The following SYN2 variants were observed in gnomAD, a reference collection of about 807,000 sequenced individuals.
SYN2 encodes synapsin-2.
SYN2 carries 19 observed loss-of-function variants against 50.9 expected under a neutral mutation model. The observed-to-expected ratio is 0.37, with a 90% confidence interval of 0.26 to 0.55. SYN2 has a LOEUF of 0.55. Ranked by LOEUF, SYN2 falls within the 20% of genes least tolerant of loss-of-function variation. SYN2 has a pLI of 0.81. For synonymous variants in SYN2, 255 were observed against 224.9 expected (o/e 1.13, Z -1.20); for missense variants, 587 against 576.4 (o/e 1.02, Z -0.19).
chr3:12,088,157 G>A (rs901101597), intron 1 of SYN2, among the ~76,000 whole-genome samples: 4 of 152,154 alleles, frequency 2.6e-5, no homozygotes, highest in South Asian at 2.1e-4. Flanking sequence ...TTTGCAAACC[G>A]TACATCTGAT....
intron 1 of SYN2, among the ~76,000 whole-genome samples, chr3:12,068,058 C>CGAATGAAT (rs541128758): frequency 9.2e-5 from 14 of 151,898 alleles, no homozygotes; most frequent in South Asian, 2.1e-4. Context: ...GACCTTGTCT[C>CGAATGAAT]GAATGAATGA....
intron 1 of SYN2, among the ~76,000 whole-genome samples, chr3:12,033,139 C>T (rs1256017118): frequency 2.6e-5 from 4 of 151,812 alleles, no homozygotes; most frequent in South Asian, 2.1e-4. Context: ...AATACCGTGC[C>T]GTGTGAGGTG....
intron 1 of SYN2, among the ~76,000 whole-genome samples, chr3:12,067,263 T>G (rs1247353857): frequency 6.6e-6 from 1 of 152,190 alleles, no homozygotes; most frequent in Non-Finnish European, 1.5e-5. Flanking sequence ...ATATCAAGGT[T>G]TTAATCCAAG....
At position 12,008,164 on chromosome 3, in the gene SYN2, C is replaced by G. The variant is rs111992183; in HGVS notation, c.377+3236C>G. Reference sequence around the variant, plus strand: ...TCTCACCAGCGAAGAGATACGTTTTCTCTCAGATTCTGTCCTGCCTTTGTT... The same window carrying G: ...TCTCACCAGCGAAGAGATACGTTTTGTCTCAGATTCTGTCCTGCCTTTGTT... On this transcript the variant is annotated intron_variant, in intron 1 of 12. Coordinates refer to ENST00000621198, the MANE Select transcript of SYN2 (RefSeq NM_133625.6). Among the ~76,000 whole-genome samples, 611 of 152,286 alleles carry G rather than the reference C, an allele frequency of 4.0e-3. 2 individuals are homozygous for G. Among genetic ancestry groups the G allele is most frequent in the Non-Finnish European group, 6.9e-3 (470 of 68,032 alleles).
At chr3:12,114,144 A>G (rs942166722) in intron 1 of SYN2, among the ~76,000 whole-genome samples, 1 of 150,722 alleles carries the variant, frequency 6.6e-6, no homozygotes, top group Non-Finnish European at 1.5e-5. Context: ...TAGCTATACT[A>G]GTGGTGTGAA....
At chr3:12,005,814 G>A (rs1036377499) in intron 1 of SYN2, among the ~76,000 whole-genome samples, 1 of 151,964 alleles carries the variant, frequency 6.6e-6, no homozygotes, top group Non-Finnish European at 1.5e-5. Flanking sequence ...GAATGGTGAA[G>A]GCTGCTGCTT....
At chr3:12,072,902 C>G (rs1695390103) in intron 1 of SYN2, among the ~76,000 whole-genome samples, 1 of 152,036 alleles carries the variant, frequency 6.6e-6, no homozygotes, top group Admixed American at 6.6e-5. Context: ...ATTGTCTGCT[C>G]AAGTTTAAAG....
chr3:12,170,782 G>C (rs547908911), intron 10 of SYN2, among the ~76,000 whole-genome samples: 1 of 152,164 alleles, frequency 6.6e-6, no homozygotes, highest in Non-Finnish European at 1.5e-5. Context: ...AATTCTCTCG[G>C]CTATCTTTCC....
intron 1 of SYN2, among the ~76,000 whole-genome samples, chr3:12,100,628 C>A (rs535810306): frequency 3.4e-4 from 52 of 151,990 alleles, no homozygotes; most frequent in Non-Finnish European, 7.1e-4. Context: ...TATTAAATTT[C>A]ATCAAGATTG....
At chr3:12,156,372 A>G (rs1697459045) in intron 5 of SYN2, among the ~76,000 whole-genome samples, 1 of 152,178 alleles carries the variant, frequency 6.6e-6, no homozygotes, top group Non-Finnish European at 1.5e-5. Flanking sequence ...CAGCCAATTC[A>G]GTATGGAGGA....
At chr3:12,153,215 A>G in intron 5 of SYN2, 1 of 470,720 alleles carries the variant, frequency 2.1e-6, no homozygotes, top group Non-Finnish European at 3.9e-6. Flanking sequence ...GAAAACACAT[A>G]TTCCTGGGGA....
chr3:12,016,649 G>A (rs1489836929), intron 1 of SYN2, among the ~76,000 whole-genome samples: 1 of 152,176 alleles, frequency 6.6e-6, no homozygotes, highest in Non-Finnish European at 1.5e-5. Context: ...TTAAGGTCAG[G>A]AGTTTGAGAC....
At chr3:12,156,710 A>G (rs1307287795) in intron 5 of SYN2, 9 of 790,840 alleles carry the variant, frequency 1.1e-5, no homozygotes, top group Non-Finnish European at 6.2e-6. Context: ...GCCCAAGAAA[A>G]TGCCACCTGG....
At chr3:12,159,654 A>G (rs1363713281) in intron 5 of SYN2, among the ~76,000 whole-genome samples, 1 of 152,178 alleles carries the variant, frequency 6.6e-6, no homozygotes, top group East Asian at 1.9e-4. Flanking sequence ...TTGGACCTCA[A>G]AGCCCTCTCG....
chr3:12,185,486 T>C, intron 11 of SYN2: 1 of 985,876 alleles, frequency 1.0e-6, no homozygotes, highest in Non-Finnish European at 1.2e-6. Flanking sequence ...TAGCATAACC[T>C]GACTGTTATG....
intron 2 of SYN2, 66 bp from the exon 3 acceptor site, chr3:12,141,839 T>G (rs2125216809): frequency 1.3e-6 from 1 of 771,410 alleles, no homozygotes; most frequent in Non-Finnish European, 2.4e-6. Context: ...GGGATGTTGC[T>G]GCTGCTATGT....
Position 12,004,914 on chromosome 3 carries a change from G to A in SYN2, c.363G>A (p.Glu121=), listed in dbSNP as rs1211245440. The change falls in exon 1 of 13, where the codon GAG becomes GAA. Residue 121 remains glutamate (E), a synonymous_variant. Coordinates refer to ENST00000621198, the MANE Select transcript of SYN2 (RefSeq NM_133625.6). ...CCAAGGTGCTGCTGGTGGTCGACGAGCCGCACGCCGACTGGTAGGTGCCGG... is the reference window on the plus strand; with the variant it reads ...CCAAGGTGCTGCTGGTGGTCGACGAACCGCACGCCGACTGGTAGGTGCCGG... The part of the protein sequence containing the change: ...RKAKVLLVVD[E]PHADWAKCFR... 1 of 572,618 alleles carries A rather than the reference G, an allele frequency of 1.7e-6. No individual in the cohort carries two copies. The highest frequency in any genetic ancestry group is 3.0e-5 in the Admixed American group (1 of 33,272). 35.5% of individuals were successfully genotyped at this position (572,618 alleles called of 1,614,324 possible).
At chr3:12,181,789 G>A (rs747585322) in intron 10 of SYN2, among the ~76,000 whole-genome samples, 3 of 152,110 alleles carry the variant, frequency 2.0e-5, no homozygotes, top group Non-Finnish European at 4.4e-5. Flanking sequence ...TTAGTCCAGG[G>A]AAGATGGTGA....
Position 12,167,425 on chromosome 3 carries a change from A to G in SYN2, c.1055+117A>G, listed in dbSNP as rs566988744. On this transcript the variant is annotated intron_variant, in intron 8 of 12. Coordinates refer to ENST00000621198, the MANE Select transcript of SYN2 (RefSeq NM_133625.6). Reference sequence around the variant, plus strand: ...AGTCATGGAGCAAACCGGACAGATAAAACACAAAAGGCCCAAGTAGCCCAT... The same window carrying G: ...AGTCATGGAGCAAACCGGACAGATAGAACACAAAAGGCCCAAGTAGCCCAT... 181 of 1,073,980 alleles carry G rather than the reference A, an allele frequency of 1.7e-4. No homozygotes were observed. The South Asian group carries it at 2.4e-3, about 14-fold the overall frequency. The allele number at this position is 1,073,980 out of a possible 1,614,324, so 66.5% of individuals were successfully genotyped here. A position where few individuals can be genotyped will look rare whatever the true frequency, so the allele number is the denominator to read the frequency against.
Sources: gnomAD v4.1 joint callset for allele counts (sites outside exome capture counted in the v4.1 genomes callset) on GRCh38, gnomAD v4.1.1 for gene constraint, MANE v1.5 for transcripts, NCBI Gene and HGNC (gene_info 2026-07-23, HGNC 2026-07-21) for gene names.